PPARGC1A: variants seen among roughly 807,000 people sequenced by gnomAD.
The protein encoded by PPARGC1A is PPARG coactivator 1 alpha, also known as peroxisome proliferator-activated receptor gamma coactivator 1-alpha.
Under a neutral mutation model 88.7 loss-of-function variants are expected in PPARGC1A, and 25 were observed. The ratio of observed to expected loss-of-function variants is 0.28; its 90% CI spans 0.21 to 0.39. The LOEUF is 0.39. Among genes scored for constraint, PPARGC1A ranks in the 10% least tolerant of loss-of-function variants. The pLI is 1.00. For missense variants in PPARGC1A, 880 were observed against 968.7 expected (o/e 0.91, Z 1.22); for synonymous variants, 363 against 355.6 (o/e 1.02, Z -0.24).
chr4:23,846,143 A>G (rs1027615954), intron 2 of PPARGC1A, among the ~76,000 whole-genome samples: 3 of 152,226 alleles, frequency 2.0e-5, no homozygotes, highest in African/African-American at 7.2e-5. Flanking sequence ...GGATCTGGAT[A>G]AAAATGTAAG....
the PPARGC1A span, among the ~76,000 whole-genome samples, chr4:24,297,498 T>C: frequency 3.0e-4 from 46 of 152,276 alleles, 1 homozygote; most frequent in African/African-American, 1.1e-3. Flanking sequence ...TAACACTCCA[T>C]AGAGGCCAAC....
At chr4:23,964,533 A>T in the PPARGC1A span, among the ~76,000 whole-genome samples, 1 of 152,206 alleles carries the variant, frequency 6.6e-6, no homozygotes, top group Non-Finnish European at 1.5e-5. Flanking sequence ...ACCAAGTCTG[A>T]TGTGTCTGCA....
the PPARGC1A span, among the ~76,000 whole-genome samples, chr4:24,066,138 A>G: frequency 4.6e-5 from 7 of 151,746 alleles, no homozygotes; most frequent in East Asian, 1.2e-3. Context: ...CACCTCCCTC[A>G]CAGGTGTCCT....
In PPARGC1A at chr4:23,795,691, T is replaced by C; in HGVS notation, c.*131A>G. ...TGTTCTTGTTGTATTGTTGTTGTTT[T>C]GTTTTGTTTTTGTACAGAGAGTGTA... On this transcript the variant is annotated 3_prime_UTR_variant, in exon 13 of 13. Transcript: ENST00000264867. 1 of 616,558 alleles carries C rather than the reference T, an allele frequency of 1.6e-6. No individual in the cohort carries two copies. The highest frequency in any genetic ancestry group is 2.8e-6 in the Non-Finnish European group (1 of 362,214). The allele number at this position is 616,558 out of a possible 1,614,324, so 38.2% of individuals were successfully genotyped here. A position where few individuals can be genotyped will look rare whatever the true frequency, so the allele number is the denominator to read the frequency against.
the PPARGC1A span, among the ~76,000 whole-genome samples, chr4:23,991,103 G>A: frequency 1.3e-5 from 2 of 151,990 alleles, no homozygotes; most frequent in African/African-American, 4.8e-5. Context: ...CAGGTGGGAA[G>A]GCCCTTCCCA....
At chr4:24,471,037 C>T in the PPARGC1A span, among the ~76,000 whole-genome samples, 1 of 151,402 alleles carries the variant, frequency 6.6e-6, no homozygotes, top group Non-Finnish European at 1.5e-5. This position sits in a 1 kb window ranked among gnomAD's most constrained non-coding sequence, Gnocchi z 5.4. Context: ...CGCGCCAGCG[C>T]CGGCGAGCGC....
At chr4:24,347,820 G>A in the PPARGC1A span, among the ~76,000 whole-genome samples, 8 of 151,770 alleles carry the variant, frequency 5.3e-5, no homozygotes, top group African/African-American at 1.7e-4. Flanking sequence ...TCTGTGCTTC[G>A]GTTTTTTTGT....
At chr4:24,085,558 A>G in the PPARGC1A span, among the ~76,000 whole-genome samples, 1 of 152,174 alleles carries the variant, frequency 6.6e-6, no homozygotes, top group African/African-American at 2.4e-5. Flanking sequence ...CTTACCATGT[A>G]CTGCCTCTAT....
At chr4:24,256,929 A>G in the PPARGC1A span, among the ~76,000 whole-genome samples, 1 of 152,190 alleles carries the variant, frequency 6.6e-6, no homozygotes, top group Non-Finnish European at 1.5e-5. Context: ...CAGAGGGGTA[A>G]AGAGTTTTGG....
At chr4:24,047,005 T>C in the PPARGC1A span, among the ~76,000 whole-genome samples, 9 of 152,164 alleles carry the variant, frequency 5.9e-5, no homozygotes, top group Non-Finnish European at 1.2e-4. Context: ...GTGGTGGTTG[T>C]TGATCACAGC....
At chr4:23,850,896 G>A (rs1302098795) in intron 2 of PPARGC1A, among the ~76,000 whole-genome samples, 2 of 152,076 alleles carry the variant, frequency 1.3e-5, no homozygotes, top group Non-Finnish European at 2.9e-5. Context: ...ATTTTTCAGG[G>A]CAGAATTCAA....
At chr4:24,063,266 A>G in the PPARGC1A span, among the ~76,000 whole-genome samples, 1 of 152,236 alleles carries the variant, frequency 6.6e-6, no homozygotes, top group African/African-American at 2.4e-5. Flanking sequence ...AAACAGGCCA[A>G]GAGAGTCAAC....
At chr4:23,938,745 C>G in the PPARGC1A span, among the ~76,000 whole-genome samples, 3 of 152,194 alleles carry the variant, frequency 2.0e-5, no homozygotes, top group African/African-American at 7.2e-5. Context: ...AAATTAGAAA[C>G]AGATAAACAA....
the PPARGC1A span, among the ~76,000 whole-genome samples, chr4:24,237,261 T>A: frequency 6.6e-6 from 1 of 152,174 alleles, no homozygotes; most frequent in Non-Finnish European, 1.5e-5. Flanking sequence ...TTTTTAGATT[T>A]TTTAAAGAAA....
chr4:24,167,002 A>G, the PPARGC1A span, among the ~76,000 whole-genome samples: 1 of 152,256 alleles, frequency 6.6e-6, no homozygotes, highest in South Asian at 2.1e-4. Context: ...TCATAAAGCT[A>G]TAGTGGCCAT....
At chr4:24,077,240 T>C in the PPARGC1A span, among the ~76,000 whole-genome samples, 1 of 152,152 alleles carries the variant, frequency 6.6e-6, no homozygotes, top group Admixed American at 6.6e-5. Context: ...AGACCCCAGA[T>C]CTTCCTCTTG....
the PPARGC1A span, among the ~76,000 whole-genome samples, chr4:24,282,377 T>C: frequency 1.3e-5 from 2 of 152,248 alleles, no homozygotes; most frequent in Non-Finnish European, 2.9e-5. Flanking sequence ...ACTTGTTTAA[T>C]AAAGCAGATA....
the PPARGC1A span, among the ~76,000 whole-genome samples, chr4:24,008,396 T>A: frequency 6.6e-6 from 1 of 152,198 alleles, no homozygotes; most frequent in Non-Finnish European, 1.5e-5. Context: ...CTTATTCCAC[T>A]GGTTGGGATA....
At chr4:24,150,394 G>T in the PPARGC1A span, among the ~76,000 whole-genome samples, 2 of 152,148 alleles carry the variant, frequency 1.3e-5, no homozygotes, top group African/African-American at 4.8e-5. Context: ...TGAAGCCTCT[G>T]TTCTTCTTGT....
Sources: gnomAD v4.1 joint callset for allele counts (sites outside exome capture counted in the v4.1 genomes callset) on GRCh38, gnomAD v4.1.1 for gene constraint, Gnocchi (gnomAD v3.1) non-coding constraint, MANE v1.5 for transcripts, NCBI Gene and HGNC (gene_info 2026-07-23, HGNC 2026-07-21) for gene names.